Variants in DNM3 observed in about 807,000 individuals in gnomAD.
The protein encoded by DNM3 is dynamin-3.
A neutral mutation model predicts 101.6 loss-of-function variants in DNM3; 47 were observed. That is an observed-to-expected ratio of 0.46 (90% CI 0.37 to 0.59). DNM3 has a LOEUF of 0.59. DNM3 is among the 20% of genes least tolerant of loss of function. The probability of loss-of-function intolerance (pLI) is 0.00; values close to 1 mark genes in which losing one functional copy is unlikely to be tolerated. For synonymous variants in DNM3, 385 were observed against 387.9 expected (o/e 0.99, Z 0.09); for missense variants, 849 against 1,085.7 (o/e 0.78, Z 3.06).
intron 20 of DNM3, among the ~76,000 whole-genome samples, chr1:172,401,118 G>C (rs2149112227): frequency 6.6e-6 from 1 of 152,234 alleles, no homozygotes; most frequent in South Asian, 2.1e-4. Flanking sequence ...CTTACTGAGG[G>C]GATGAAGGAA....
At chr1:171,886,396 G>C (rs2036771598) in intron 1 of DNM3, among the ~76,000 whole-genome samples, 3 of 152,116 alleles carry the variant, frequency 2.0e-5, no homozygotes, top group Non-Finnish European at 2.9e-5. Flanking sequence ...TTCATACTGA[G>C]GCATTTAAAA....
At chr1:171,976,585 C>G (rs545745721) in intron 2 of DNM3, among the ~76,000 whole-genome samples, 1 of 152,184 alleles carries the variant, frequency 6.6e-6, no homozygotes, top group Non-Finnish European at 1.5e-5. Flanking sequence ...ATGGGAGCTA[C>G]AATTCAAGAT....
At chr1:172,028,811 G>T (rs2048390735) in intron 4 of DNM3, among the ~76,000 whole-genome samples, 1 of 152,056 alleles carries the variant, frequency 6.6e-6, no homozygotes, top group South Asian at 2.1e-4. Flanking sequence ...AAATCTACAA[G>T]AAATGGAAAA....
chr1:171,970,544 TGATA>T lies in DNM3; in HGVS notation c.236-17105_236-17102del, dbSNP rs554820095. On this transcript the variant is annotated intron_variant, in intron 2 of 20. Transcript: ENST00000627582. ...TTGGATTCAAATTTTATTTTAAATG[TGATA>T]GATAGAAATATTTTTGCTAAGATAT... Among the ~76,000 whole-genome samples, 814 of 152,244 alleles carry T rather than the reference TGATA, an allele frequency of 5.3e-3. 6 individuals are homozygous for T. Among genetic ancestry groups the T allele is most frequent in the African/African-American group, 0.018 (744 of 41,574 alleles).
chr1:172,165,591 T>C (rs1255238570), intron 14 of DNM3, among the ~76,000 whole-genome samples: 1 of 151,916 alleles, frequency 6.6e-6, no homozygotes, highest in Non-Finnish European at 1.5e-5. Context: ...CTCCCTGACC[T>C]CCAGCAGGGA....
intron 1 of DNM3, among the ~76,000 whole-genome samples, chr1:171,906,484 T>C (rs2038848349): frequency 6.6e-6 from 1 of 152,110 alleles, no homozygotes; most frequent in Non-Finnish European, 1.5e-5. Flanking sequence ...GATTCCTTCC[T>C]TATAATAGTT....
Position 171,881,724 on chromosome 1 carries a change from G to T in DNM3, c.161+39907G>T, listed in dbSNP as rs190682977. Reference sequence around the variant, plus strand: ...CACCCAGAGTGTCTGACTTTGATGTGCTGCCAAGCACCTTTGGCCTCCAGT... The same window carrying T: ...CACCCAGAGTGTCTGACTTTGATGTTCTGCCAAGCACCTTTGGCCTCCAGT... On this transcript the variant is annotated intron_variant, in intron 1 of 20. Transcript: ENST00000627582. Among the ~76,000 whole-genome samples, 6 of 150,718 alleles carry T rather than the reference G, an allele frequency of 4.0e-5. No individual in the cohort carries two copies. In the East Asian group the frequency reaches 1.2e-3, roughly 29 times the overall value.
intron 14 of DNM3, among the ~76,000 whole-genome samples, chr1:172,190,356 G>A (rs1161012450): frequency 2.6e-5 from 4 of 152,028 alleles, no homozygotes; most frequent in Non-Finnish European, 1.5e-5. Flanking sequence ...CCTTTTTTAT[G>A]GCTGCATAGT....
rs780716638 is a variant in DNM3 at position 171,988,958 on chromosome 1, C to A, written c.399C>A (p.Thr133=). ...CTTTCCACACAGTGTTAAATCTAAC[C>A]CTTATTGATCTACCTGGAATAACTA... ...RVYSPHVLNL[T]LIDLPGITKV... Residue 133 remains threonine (T), a synonymous_variant, in exon 4 of 21, where the codon ACC becomes ACA. Coordinates refer to ENST00000627582, the MANE Select transcript of DNM3 (RefSeq NM_015569.5). 6.3e-7 allele frequency: 1 copy of A among 1,591,430 alleles called. No individual in the cohort carries two copies. The highest frequency in any genetic ancestry group is 8.6e-7 in the Non-Finnish European group (1 of 1,167,904).
chr1:171,873,686 G>A (rs1319906957), intron 1 of DNM3, among the ~76,000 whole-genome samples: 1 of 152,168 alleles, frequency 6.6e-6, no homozygotes, highest in African/African-American at 2.4e-5. Flanking sequence ...ATAAATGACT[G>A]TAAAAATGCC....
rs1262998641 is a variant in DNM3, at chr1:172,056,248, T to C, written c.1335+7498T>C. 4.6e-5 allele frequency among the ~76,000 whole-genome samples: 7 copies of C among 152,218 alleles called. No homozygotes were observed. The South Asian group carries it at 8.3e-4, about 18-fold the overall frequency. On this transcript the variant is annotated intron_variant, in intron 10 of 20. Coordinates refer to ENST00000627582, the MANE Select transcript of DNM3 (RefSeq NM_015569.5). ...AGCAGTCTGAGATCAAACTGCAAGG[T>C]GGCAGCGAGGCTGGGGGAGGGGCAC...
chr1:171,953,357 A>G (rs2042649620), intron 2 of DNM3, among the ~76,000 whole-genome samples: 1 of 151,832 alleles, frequency 6.6e-6, no homozygotes, highest in Admixed American at 6.6e-5. Flanking sequence ...TCATGATATC[A>G]GTTATCTGAC....
At chr1:171,995,592 G>A (rs1349343555) in intron 4 of DNM3, among the ~76,000 whole-genome samples, 1 of 151,952 alleles carries the variant, frequency 6.6e-6, no homozygotes, top group African/African-American at 2.4e-5. Context: ...TCCTCATTCT[G>A]GTCCTATACA....
chr1:171,994,429 T>C (rs1572000114), intron 4 of DNM3, among the ~76,000 whole-genome samples: 1 of 152,148 alleles, frequency 6.6e-6, no homozygotes, highest in African/African-American at 2.4e-5. Context: ...TCGCTAAACA[T>C]TTACCAAAGC....
intron 2 of DNM3, among the ~76,000 whole-genome samples, chr1:171,944,854 C>CT (rs1491537348): frequency 0.41 from 15,511 of 37,554 alleles, 7,109 homozygotes; most frequent in Middle Eastern, 0.62. Context: ...TTTGGTGTTT[C>CT]CTTTTTTTTT....
intron 14 of DNM3, among the ~76,000 whole-genome samples, chr1:172,163,872 T>C (rs934204897): frequency 7.2e-6 from 1 of 139,220 alleles, no homozygotes; most frequent in African/African-American, 3.0e-5. Context: ...TTCATATGTG[T>C]ATATGTATGT....
downstream of DNM3, chr1:172,415,239 C>T (rs1215352299): frequency 6.6e-6 from 1 of 152,176 alleles, no homozygotes; most frequent in Non-Finnish European, 1.5e-5. Context: ...TAGAGACATA[C>T]ATGCATTGAG....
chr1:172,308,195 A>G (rs1303788044), intron 15 of DNM3, among the ~76,000 whole-genome samples: 1 of 152,206 alleles, frequency 6.6e-6, no homozygotes, highest in Non-Finnish European at 1.5e-5. Flanking sequence ...TACTGTCCCC[A>G]TCATAAATAT....
chr1:172,278,351 G>A (rs1324874528), intron 15 of DNM3, among the ~76,000 whole-genome samples: 1 of 149,522 alleles, frequency 6.7e-6, no homozygotes, highest in Admixed American at 6.6e-5. Context: ...TGGTTTCCCT[G>A]GCCACATTGG....
Sources: allele counts gnomAD v4.1 joint callset (sites outside exome capture counted in the v4.1 genomes callset), GRCh38; gene constraint gnomAD v4.1.1; transcripts MANE v1.5; gene names NCBI Gene and HGNC (gene_info 2026-07-23, HGNC 2026-07-21).